ANGEL1: variants seen among roughly 807,000 people sequenced by gnomAD.
The protein encoded by ANGEL1 is angel homolog 1.
In ANGEL1, 62 loss-of-function variants were observed where a neutral mutation model predicts 76.4. The observed-to-expected ratio is 0.81, with a 90% CI of 0.66 to 1.00. The LOEUF (loss-of-function observed/expected upper bound fraction) is 1.00, where lower values mean the gene tolerates loss of function less well. ANGEL1 is among the 50% of genes least tolerant of loss of function. The probability of loss-of-function intolerance (pLI) is 0.00; values close to 1 mark genes in which losing one functional copy is unlikely to be tolerated. For missense variants in ANGEL1, 737 were observed against 836.7 expected (o/e 0.88, Z 1.47); for synonymous variants, 340 against 331.7 (o/e 1.03, Z -0.27).
chr14:76,797,253 T>C (rs4903490), intron 7 of ANGEL1, among the ~76,000 whole-genome samples: 150,896 of 152,354 alleles, frequency 0.99, 74,743 homozygotes, highest in East Asian at 1. Flanking sequence ...ATGATGTTAG[T>C]TGTAGGCTTG....
chr14:76,808,274 C>T, intron 2 of ANGEL1, 126 bp from the exon 3 acceptor site: 1 of 752,436 alleles, frequency 1.3e-6, no homozygotes, highest in Admixed American at 2.6e-5. Flanking sequence ...TCACCCATCC[C>T]TCTCTGTGGG....
chr14:76,794,248 A>G (rs1894507117), intron 7 of ANGEL1, among the ~76,000 whole-genome samples: 1 of 152,198 alleles, frequency 6.6e-6, no homozygotes, highest in Non-Finnish European at 1.5e-5. Context: ...AAAGCCAATT[A>G]ATTATACACT....
In ANGEL1 at chr14:76,786,077, T is replaced by A. The variant is rs994060105; in HGVS notation, c.*3151A>T. 2.0e-5 allele frequency: 3 copies of A among 152,236 alleles called. No individual in the cohort carries two copies. The highest frequency in any genetic ancestry group is 7.2e-5 in the African/African-American group (3 of 41,464). 9.4% of individuals were successfully genotyped at this position (152,236 alleles called of 1,614,324 possible). A position where few individuals can be genotyped will look rare whatever the true frequency, so the allele number is the denominator to read the frequency against. On this transcript the variant is annotated 3_prime_UTR_variant, in exon 10 of 10. Coordinates refer to ENST00000251089, the MANE Select transcript of ANGEL1 (RefSeq NM_015305.4). ...TGAACTGAAATACAGAGAGGTTAAG[T>A]AACTTACCTACAGTCACCAGCTGAA...
At chr14:76,798,008 A>C (rs372692859) in intron 7 of ANGEL1, among the ~76,000 whole-genome samples, 2 of 152,188 alleles carry the variant, frequency 1.3e-5, no homozygotes, top group African/African-American at 4.8e-5. Flanking sequence ...CATGGATAGG[A>C]TTAGTGCTCT....
Position 76,809,355 on chromosome 14 carries a change from C to T in ANGEL1, c.353G>A (p.Arg118Gln), listed in dbSNP as rs774081939. The T allele has an allele frequency of 1.4e-5, 22 of 1,614,112 alleles. No individual in the cohort carries two copies. Among genetic ancestry groups the T allele is most frequent in the Middle Eastern group, 1.6e-4 (1 of 6,084 alleles). ...AGGCTCATCCAGGTTCTCTGCAGCC[C>T]GAAGGTCACTCAGCTGCCTGCTGGA... Reference protein sequence around the residue: ...RWSSRQLSDLRAAENLDEPFP... With the variant: ...RWSSRQLSDLQAAENLDEPFP... Residue 118 changes from arginine to glutamine, a missense_variant, in exon 2 of 10, where the codon CGG becomes CAG. By Grantham distance (43) the Arg-to-Gln change is conservative. Around this residue, in one of 2 missense-constraint regions of ANGEL1, gnomAD observed 441 missense variants for 449.5 expected, o/e 0.98. Coordinates refer to ENST00000251089, the MANE Select transcript of ANGEL1 (RefSeq NM_015305.4).
intron 7 of ANGEL1, among the ~76,000 whole-genome samples, chr14:76,800,333 C>A (rs1894723460): frequency 6.6e-6 from 1 of 152,208 alleles, no homozygotes; most frequent in Non-Finnish European, 1.5e-5. Context: ...CCAATTCCTG[C>A]TACCTGCTGG....
intron 7 of ANGEL1, among the ~76,000 whole-genome samples, chr14:76,794,073 G>A (rs1193751411): frequency 6.6e-6 from 1 of 152,120 alleles, no homozygotes; most frequent in Admixed American, 6.6e-5. Context: ...GACAGGAAGG[G>A]AACAGAACTG....
At chr14:76,804,037 C>T (rs778599763) in intron 5 of ANGEL1, 125 bp from the exon 6 acceptor site, 1 of 1,590,634 alleles carries the variant, frequency 6.3e-7, no homozygotes, top group African/African-American at 1.3e-5. Flanking sequence ...ATGGTATAAA[C>T]AAGCATATAA....
chr14:76,812,488 C>T (rs972972330), intron 1 of ANGEL1: 1 of 1,219,714 alleles, frequency 8.2e-7, no homozygotes, highest in Non-Finnish European at 1.0e-6. Flanking sequence ...GGGCCCTGCC[C>T]GTCCACAGCT....
In ANGEL1 at chr14:76,808,046, T is replaced by C. The variant is rs1472026411; in HGVS notation, c.752A>G (p.Asn251Ser). 2 of 1,614,082 alleles carry C rather than the reference T, an allele frequency of 1.2e-6. No homozygotes were observed. The highest frequency in any genetic ancestry group is 4.5e-5 in the East Asian group (2 of 44,898). ...PQFQFTLMSYNILAQDLMQQS... is the reference protein window; with the variant it reads ...PQFQFTLMSYSILAQDLMQQS... ...CTGCATCAGGTCCTGAGCCAGGATG[T>C]TATAAGACATCAGAGTGAACTGGAA... The change falls in exon 3 of 10, where the codon AAC becomes AGC. Residue 251 changes from asparagine (N) to serine (S), a missense_variant. Around this residue, in one of 2 missense-constraint regions of ANGEL1, gnomAD observed 441 missense variants for 449.5 expected, o/e 0.98. Transcript: ENST00000251089.
At chr14:76,790,399 C>G (rs920188267) in intron 9 of ANGEL1, among the ~76,000 whole-genome samples, 5 of 152,186 alleles carry the variant, frequency 3.3e-5, no homozygotes, top group Admixed American at 3.3e-4. Context: ...GTCCTACCCT[C>G]CTCTCTTTAA....
intron 5 of ANGEL1, chr14:76,804,574 G>C (rs1894861028): frequency 4.2e-6 from 2 of 478,378 alleles, no homozygotes; most frequent in Non-Finnish European, 5.5e-6. Context: ...AGCAGCAATA[G>C]ACAGAATCCC....
chr14:76,811,578 T>C (rs192000081), intron 1 of ANGEL1, among the ~76,000 whole-genome samples: 218 of 150,186 alleles, frequency 1.5e-3, no homozygotes, highest in African/African-American at 5.2e-3. Flanking sequence ...TGGAAACCTC[T>C]GGACTAGTAT....
At position 76,806,477 on chromosome 14, in the gene ANGEL1, G is replaced by C. The variant is rs912867474; in HGVS notation, c.1319C>G (p.Ser440Ter). The C allele has an allele frequency of 6.2e-7, 1 of 1,614,158 alleles. No individual in the cohort carries two copies. Among genetic ancestry groups the C allele is most frequent in the African/African-American group, 1.3e-5 (1 of 75,044 alleles). ...ATCCCTGATGAAGTTGTAGAGAGGT[G>C]AATCAGGGACAGAATTTAGGTCCCC... ...LCGDLNSVPD[S>*]PLYNFIRDGE... Residue 440 changes from serine to a stop codon, truncating the protein, a stop_gained, in exon 5 of 10, where the codon TCA becomes TGA. Transcript: ENST00000251089. LOFTEE classifies it high-confidence loss of function.
At chr14:76,812,491 C>T in intron 1 of ANGEL1, 1 of 1,224,264 alleles carries the variant, frequency 8.2e-7, no homozygotes, top group Non-Finnish European at 1.0e-6. Context: ...CCCTGCCCGT[C>T]CACAGCTCCT....
intron 5 of ANGEL1, among the ~76,000 whole-genome samples, chr14:76,805,041 A>C (rs1241287588): frequency 6.6e-6 from 1 of 151,580 alleles, no homozygotes; most frequent in East Asian, 1.9e-4. Context: ...ATAAATAAAT[A>C]AATAAATAAA....
intron 1 of ANGEL1, 78 bp downstream of exon 1, chr14:76,812,686 A>C: frequency 7.1e-7 from 1 of 1,415,856 alleles, no homozygotes; most frequent in Non-Finnish European, 9.2e-7. Flanking sequence ...GGCCAACCGC[A>C]CGCCGCCCCA....
intron 1 of ANGEL1, among the ~76,000 whole-genome samples, chr14:76,811,405 T>TTGG (rs35281185): frequency 0.41 from 61,638 of 151,264 alleles, 12,901 homozygotes; most frequent in Middle Eastern, 0.49. Flanking sequence ...TAGATGTCTT[T>TTGG]TGGTGGTGGT....
chr14:76,790,282 A>G (rs142857643), intron 9 of ANGEL1, among the ~76,000 whole-genome samples: 1,617 of 152,276 alleles, frequency 0.011, 12 homozygotes, highest in Middle Eastern at 0.054. Context: ...GACAGAAAAT[A>G]AGGTCTCTTA....
Sources: gnomAD v4.1 joint callset for allele counts (sites outside exome capture counted in the v4.1 genomes callset) on GRCh38, gnomAD v4.1.1 for gene constraint, gnomAD v4.1.1 regional missense constraint, MANE v1.5 for transcripts, NCBI Gene and HGNC (gene_info 2026-07-23, HGNC 2026-07-21) for gene names.